Variants in FER observed in about 807,000 individuals in gnomAD.
The protein encoded by FER is tyrosine-protein kinase Fer.
In FER, 63 loss-of-function variants were observed where a neutral mutation model predicts 111.0. That is an observed-to-expected ratio of 0.57 (90% CI 0.46 to 0.70). FER has a LOEUF of 0.70. Ranked by LOEUF, FER falls within the 30% of genes least tolerant of loss-of-function variation. The pLI, the probability that FER is intolerant of heterozygous loss-of-function variation, is 0.00. For missense variants in FER, 914 were observed against 954.0 expected (o/e 0.96, Z 0.55); for synonymous variants, 327 against 313.9 (o/e 1.04, Z -0.44).
chr5:109,069,716 A>T (rs905212124), intron 16 of FER, among the ~76,000 whole-genome samples: 2 of 152,080 alleles, frequency 1.3e-5, no homozygotes, highest in Admixed American at 1.3e-4. Context: ...GATGTCAAAG[A>T]TTGTTCAAAA....
chr5:108,748,854 G>C (rs1459657559), intron 1 of FER: 1 of 152,904 alleles, frequency 6.5e-6, no homozygotes, highest in Non-Finnish European at 1.5e-5. Flanking sequence ...CTGAGGCCTC[G>C]AGGGTGCCCG....
At chr5:109,090,928 G>C (rs1245989991) in intron 16 of FER, among the ~76,000 whole-genome samples, 1 of 152,182 alleles carries the variant, frequency 6.6e-6, no homozygotes, top group Non-Finnish European at 1.5e-5. Flanking sequence ...AGAGCTTGGA[G>C]TGCTATATTG....
intron 1 of FER, among the ~76,000 whole-genome samples, chr5:108,766,298 G>T (rs551831190): frequency 3.9e-5 from 6 of 152,240 alleles, no homozygotes; most frequent in African/African-American, 1.4e-4. Context: ...AACAACTCTT[G>T]TTGATGCCTT....
At chr5:109,182,214 CT>C (rs1758360905) in intron 18 of FER, among the ~76,000 whole-genome samples, 1 of 152,086 alleles carries the variant, frequency 6.6e-6, no homozygotes, top group Non-Finnish European at 1.5e-5. Context: ...TTATGTTTAA[CT>C]TTTTGAGGAA....
chr5:108,997,128 A>C (rs1162410490), intron 13 of FER, among the ~76,000 whole-genome samples: 2 of 151,968 alleles, frequency 1.3e-5, no homozygotes, highest in African/African-American at 4.8e-5. Flanking sequence ...GACTTTGCTA[A>C]AGTTGCTTAT....
chr5:109,052,424 C>G (rs1285365884), intron 16 of FER: 11 of 1,508,856 alleles, frequency 7.3e-6, no homozygotes, highest in Non-Finnish European at 1.0e-5. Context: ...TGAACCTTGT[C>G]AAGGAGTTTG....
chr5:109,007,120 G>C (rs1158130025), intron 13 of FER, among the ~76,000 whole-genome samples: 1 of 152,080 alleles, frequency 6.6e-6, no homozygotes, highest in Non-Finnish European at 1.5e-5. Context: ...GATTTAAAAA[G>C]TTTTAATTAC....
intron 16 of FER, among the ~76,000 whole-genome samples, chr5:109,093,138 G>A (rs1371127858): frequency 1.3e-5 from 2 of 152,136 alleles, no homozygotes; most frequent in African/African-American, 2.4e-5. Flanking sequence ...TGAGTGTAGA[G>A]TTTCAATCAA....
intron 16 of FER, among the ~76,000 whole-genome samples, chr5:109,075,948 CTAAT>C (rs1776286594): frequency 1.3e-5 from 2 of 151,566 alleles, no homozygotes; most frequent in East Asian, 1.9e-4. Context: ...TATATAAACA[CTAAT>C]TATTTTTATA....
intron 17 of FER, among the ~76,000 whole-genome samples, chr5:109,156,933 A>G (rs1365085046): frequency 6.6e-6 from 1 of 152,070 alleles, no homozygotes. Context: ...GAAGGGGCTC[A>G]AAGGTAAGAT....
intron 12 of FER, among the ~76,000 whole-genome samples, chr5:108,957,567 G>A (rs1758592663): frequency 6.6e-6 from 1 of 151,556 alleles, no homozygotes; most frequent in African/African-American, 2.4e-5. Context: ...AGCTATGATA[G>A]AACTGCCATA....
intron 13 of FER, among the ~76,000 whole-genome samples, chr5:109,006,472 C>A (rs145318603): frequency 2.6e-4 from 40 of 152,268 alleles, no homozygotes; most frequent in Non-Finnish European, 2.8e-4. Context: ...GATTGTGAGG[C>A]CTCCCCAGCT....
chr5:109,149,821 A>C (rs1010023039), intron 17 of FER, among the ~76,000 whole-genome samples: 1 of 152,172 alleles, frequency 6.6e-6, no homozygotes, highest in Non-Finnish European at 1.5e-5. Flanking sequence ...CAGAACTCAG[A>C]AGTGAAAAAT....
chr5:108,785,757 C>A (rs1278845344), intron 2 of FER, among the ~76,000 whole-genome samples: 1 of 152,170 alleles, frequency 6.6e-6, no homozygotes, highest in Non-Finnish European at 1.5e-5. Flanking sequence ...GAGGAATTAG[C>A]CTGCATGGGC....
intron 16 of FER, 47 bp from the exon 17 acceptor site, chr5:109,100,349 A>C (rs1225038126): frequency 1.3e-6 from 2 of 1,599,058 alleles, no homozygotes; most frequent in Non-Finnish European, 1.7e-6. Flanking sequence ...GATAAATGTG[A>C]CTTTCATCAT....
rs1016009195 is a variant in FER, at chr5:108,975,250, C to T, written c.1656+15903C>T. Among the ~76,000 whole-genome samples, 8 of 151,974 alleles carry T rather than the reference C, an allele frequency of 5.3e-5. No homozygotes were observed. In the East Asian group the frequency reaches 7.8e-4, roughly 15 times the overall value. ...GGGAACATCACACACCGGGGTCTGT[C>T]GGGTTGAGGGGCAAGGGAGAGGAGA... On this transcript the variant is annotated intron_variant, in intron 13 of 19. Transcript: ENST00000281092.
intron 17 of FER, among the ~76,000 whole-genome samples, chr5:109,123,927 T>C (rs1305057762): frequency 6.6e-6 from 1 of 152,140 alleles, no homozygotes; most frequent in Non-Finnish European, 1.5e-5. Context: ...TTTACATAGA[T>C]AATGCAAGAA....
intron 17 of FER, among the ~76,000 whole-genome samples, chr5:109,133,081 C>G (rs573153997): frequency 2.0e-5 from 3 of 152,152 alleles, no homozygotes; most frequent in African/African-American, 7.2e-5. Context: ...TTTTGTCATA[C>G]TGTAACTTTC....
intron 17 of FER, among the ~76,000 whole-genome samples, chr5:109,121,456 T>C (rs1186052942): frequency 6.6e-6 from 1 of 152,204 alleles, no homozygotes; most frequent in African/African-American, 2.4e-5. Flanking sequence ...CACTTGGTCG[T>C]GATGAATGAT....
Sources: gnomAD v4.1 joint callset for allele counts (sites outside exome capture counted in the v4.1 genomes callset) on GRCh38, gnomAD v4.1.1 for gene constraint, MANE v1.5 for transcripts, NCBI Gene and HGNC (gene_info 2026-07-23, HGNC 2026-07-21) for gene names.